EYS: variants seen among roughly 807,000 people sequenced by gnomAD.
EYS encodes the protein EGF-like photoreceptor maintenance factor, also known as protein eyes shut homolog.
EYS carries 250 observed loss-of-function variants against 282.1 expected under a neutral mutation model. The ratio of observed to expected loss-of-function variants is 0.89; its 90% CI spans 0.80 to 0.98. EYS has a LOEUF of 0.98. Among genes scored for constraint, EYS ranks in the 50% least tolerant of loss-of-function variants. The probability of loss-of-function intolerance (pLI) is 0.00; values close to 1 mark genes in which losing one functional copy is unlikely to be tolerated. For missense variants in EYS, 4,016 were observed against 3,709.0 expected (o/e 1.08, Z -2.15); for synonymous variants, 1,355 against 1,282.9 (o/e 1.06, Z -1.20).
At chr6:65,156,104 TA>T (rs1378796285) in intron 12 of EYS, among the ~76,000 whole-genome samples, 1 of 151,230 alleles carries the variant, frequency 6.6e-6, no homozygotes, top group African/African-American at 2.4e-5. Flanking sequence ...GAAGGAGAGA[TA>T]ATAGAAATAG....
At chr6:64,336,387 G>C (rs1180861113) in intron 29 of EYS, among the ~76,000 whole-genome samples, 1 of 151,946 alleles carries the variant, frequency 6.6e-6, no homozygotes, top group South Asian at 2.1e-4. Context: ...CACAAAGAGG[G>C]ACATTATATA....
At chr6:64,114,870 C>T (rs1416562492) in intron 31 of EYS, among the ~76,000 whole-genome samples, 2 of 152,160 alleles carry the variant, frequency 1.3e-5, no homozygotes, top group African/African-American at 4.8e-5. Context: ...ATGCTGCTTC[C>T]CCTCGCCCAA....
chr6:64,361,693 T>G (rs1427757629), intron 29 of EYS, among the ~76,000 whole-genome samples: 1 of 151,744 alleles, frequency 6.6e-6, no homozygotes, highest in African/African-American at 2.4e-5. Context: ...CAATTGCATT[T>G]TTTTTCTTCA....
intron 40 of EYS, among the ~76,000 whole-genome samples, chr6:63,768,245 A>G (rs1478951577): frequency 6.6e-6 from 1 of 152,096 alleles, no homozygotes. Context: ...TAAACCAAAG[A>G]GCTTCTGCAC....
At position 64,439,501 on chromosome 6, in the gene EYS, T is replaced by C. The variant is rs370023892; in HGVS notation, c.5645-149A>G. On this transcript the variant is annotated intron_variant, in intron 26 of 42. Transcript: ENST00000503581. ...GCCCAGGCACTTCTTTCCTTTGGAA[T>C]AGTCATGGCAGTTTTCTCATGATTT... 13 of 484,254 alleles carry C rather than the reference T, an allele frequency of 2.7e-5. No individual in the cohort carries two copies. In the South Asian group the frequency reaches 2.9e-4, roughly 11 times the overall value. 30.0% of individuals were successfully genotyped at this position (484,254 alleles called of 1,614,324 possible). A position where few individuals can be genotyped will look rare whatever the true frequency, so the allele number is the denominator to read the frequency against.
At chr6:65,214,271 A>C (rs746224085) in intron 12 of EYS, among the ~76,000 whole-genome samples, 10 of 152,208 alleles carry the variant, frequency 6.6e-5, no homozygotes, top group Non-Finnish European at 1.5e-4. Context: ...AATTTGGTGA[A>C]AGAAATTAAA....
chr6:63,907,388 C>T (rs565965308), intron 35 of EYS, among the ~76,000 whole-genome samples: 2 of 152,206 alleles, frequency 1.3e-5, no homozygotes, highest in East Asian at 1.9e-4. Flanking sequence ...CCCCCATGAT[C>T]CAAATCACTT....
chr6:65,627,759 C>G (rs537937942), intron 2 of EYS, among the ~76,000 whole-genome samples: 1 of 152,214 alleles, frequency 6.6e-6, no homozygotes, highest in African/African-American at 2.4e-5. Flanking sequence ...GATTTCTCAC[C>G]GAGCCTTAGC....
chr6:64,510,380 T>G (rs1054191989), intron 26 of EYS, among the ~76,000 whole-genome samples: 1 of 152,080 alleles, frequency 6.6e-6, no homozygotes, highest in African/African-American at 2.4e-5. Context: ...TCGCACATTG[T>G]TTTTTTAATG....
At chr6:65,446,994 G>A (rs896976133) in intron 5 of EYS, among the ~76,000 whole-genome samples, 11 of 151,488 alleles carry the variant, frequency 7.3e-5, no homozygotes, top group South Asian at 2.1e-4. Context: ...AACAGACATC[G>A]TCTTAGATGA....
chr6:65,533,692 T>C (rs974209321), intron 2 of EYS, among the ~76,000 whole-genome samples: 2 of 152,100 alleles, frequency 1.3e-5, no homozygotes, highest in Non-Finnish European at 2.9e-5. Context: ...TTCAGCAATA[T>C]GAGGACACAT....
At chr6:64,587,840 T>C (rs1303579974) in intron 26 of EYS, among the ~76,000 whole-genome samples, 2 of 152,056 alleles carry the variant, frequency 1.3e-5, no homozygotes, top group Non-Finnish European at 2.9e-5. Flanking sequence ...GACATATGGA[T>C]TAATTGAAAA....
At chr6:65,179,093 C>T (rs970876277) in intron 12 of EYS, among the ~76,000 whole-genome samples, 6 of 152,084 alleles carry the variant, frequency 3.9e-5, no homozygotes, top group Admixed American at 1.3e-4. Context: ...GCACTAAATG[C>T]CCGCAAGAGA....
At chr6:65,601,391 A>G (rs1765611840) in intron 2 of EYS, among the ~76,000 whole-genome samples, 1 of 151,876 alleles carries the variant, frequency 6.6e-6, no homozygotes, top group Non-Finnish European at 1.5e-5. Context: ...GTCCCCATAC[A>G]ATTGTCTGAA....
intron 28 of EYS, among the ~76,000 whole-genome samples, chr6:64,409,101 C>T (rs1773807518): frequency 6.6e-6 from 1 of 152,086 alleles, no homozygotes; most frequent in South Asian, 2.1e-4. Context: ...CCAGCTGCAT[C>T]TATGTTACTG....
At chr6:65,695,574 A>G (rs1463658285) in intron 1 of EYS, among the ~76,000 whole-genome samples, 3 of 151,912 alleles carry the variant, frequency 2.0e-5, no homozygotes, top group African/African-American at 7.2e-5. Context: ...AAGAGAGAGG[A>G]AGTTGGGTCA....
intron 14 of EYS, among the ~76,000 whole-genome samples, chr6:64,947,405 A>G (rs1447267548): frequency 1.3e-5 from 2 of 151,854 alleles, no homozygotes; most frequent in Non-Finnish European, 2.9e-5. Flanking sequence ...GAACAGGGCC[A>G]ATTGGTTTTC....
chr6:65,408,592 A>G (rs1368932952), intron 5 of EYS, among the ~76,000 whole-genome samples: 1 of 151,898 alleles, frequency 6.6e-6, no homozygotes, highest in Non-Finnish European at 1.5e-5. Flanking sequence ...TGCTTATTTT[A>G]TTTACTTGTG....
rs369875887 is a variant in EYS at position 64,597,724 on chromosome 6, G to C, written c.3685-4415C>G. Among the ~76,000 whole-genome samples the C allele has an allele frequency of 5.9e-5, 9 of 151,448 alleles. No homozygotes were observed. The East Asian group carries it at 1.6e-3, about 26-fold the overall frequency. On this transcript the variant is annotated intron_variant, in intron 24 of 42. Transcript: ENST00000503581. Reference sequence around the variant, plus strand: ...GACTTAAAAGGGTGGGGGAGGACATGGGGGGGTAAATAATGAGAAATTACT... The same window carrying C: ...GACTTAAAAGGGTGGGGGAGGACATCGGGGGGTAAATAATGAGAAATTACT...
Sources: gnomAD v4.1 joint callset for allele counts (sites outside exome capture counted in the v4.1 genomes callset) on GRCh38, gnomAD v4.1.1 for gene constraint, MANE v1.5 for transcripts, NCBI Gene and HGNC (gene_info 2026-07-23, HGNC 2026-07-21) for gene names.